ZFHX3: variants seen among roughly 807,000 people sequenced by gnomAD.
The protein encoded by ZFHX3 is zinc finger homeobox protein 3.
In ZFHX3, 42 loss-of-function variants were observed where a neutral mutation model predicts 279.1. The ratio of observed to expected loss-of-function variants is 0.15; its 90% CI spans 0.12 to 0.19. ZFHX3 has a LOEUF of 0.19. Ranked by LOEUF, ZFHX3 falls within the 10% of genes least tolerant of loss-of-function variation. The pLI is 1.00. For synonymous variants in ZFHX3, 2,293 were observed against 1,957.8 expected, an observed-to-expected ratio of 1.17 and a Z score of -4.52; for missense variants, 4,981 against 4,754.0, an observed-to-expected ratio of 1.05 and a Z score of -1.40.
chr16:73,168,211 TTTTCTTTC>T (rs71156144), intron 5 of ZFHX3, among the ~76,000 whole-genome samples: 2,984 of 95,238 alleles, frequency 0.031, 50 homozygotes, highest in Middle Eastern at 0.042. Flanking sequence ...GTTTCTTTTG[TTTTCTTTC>T]TTTCTTTCTT....
intron 2 of ZFHX3, among the ~76,000 whole-genome samples, chr16:73,597,363 TCAGGAGGG>T (rs2143854382): frequency 6.6e-6 from 1 of 152,344 alleles, no homozygotes; most frequent in South Asian, 2.1e-4. Context: ...CTTCTCTCAC[TCAGGAGGG>T]CAAGCTCCTC....
At chr16:73,124,628 C>T (rs907680399) in intron 7 of ZFHX3, among the ~76,000 whole-genome samples, 2 of 152,064 alleles carry the variant, frequency 1.3e-5, no homozygotes, top group African/African-American at 4.8e-5. Flanking sequence ...ACTGTGTCGG[C>T]CAGGGTCACA....
At chr16:73,066,524 C>T (rs979249080) in intron 8 of ZFHX3, among the ~76,000 whole-genome samples, 2 of 152,068 alleles carry the variant, frequency 1.3e-5, no homozygotes, top group South Asian at 2.1e-4. Flanking sequence ...AGTGCAGAGT[C>T]GCCGCACTGG....
chr16:73,484,926 C>T (rs1364240548), intron 2 of ZFHX3, among the ~76,000 whole-genome samples: 1 of 151,816 alleles, frequency 6.6e-6, no homozygotes, highest in African/African-American at 2.4e-5. Flanking sequence ...TGAAAGGATA[C>T]TACCACATAC....
chr16:73,510,556 T>C (rs1293683740), intron 2 of ZFHX3, among the ~76,000 whole-genome samples: 3 of 152,226 alleles, frequency 2.0e-5, no homozygotes, highest in South Asian at 4.1e-4. Context: ...CTTTGAACTA[T>C]TTACTACAAA....
chr16:73,660,622 A>C (rs2052771976), intron 2 of ZFHX3, among the ~76,000 whole-genome samples: 1 of 152,190 alleles, frequency 6.6e-6, no homozygotes, highest in Admixed American at 6.5e-5. Context: ...TATATGGCTC[A>C]TAAGGGATAC....
chr16:73,153,927 A>G (rs1441963640), intron 5 of ZFHX3, among the ~76,000 whole-genome samples: 1 of 151,848 alleles, frequency 6.6e-6, no homozygotes, highest in Non-Finnish European at 1.5e-5. Flanking sequence ...GATGGTCTTC[A>G]TCTCTTGACC....
At chr16:73,277,792 A>G (rs1198460724) in intron 4 of ZFHX3, among the ~76,000 whole-genome samples, 2 of 152,172 alleles carry the variant, frequency 1.3e-5, no homozygotes, top group Non-Finnish European at 2.9e-5. Context: ...ACGGTTCTGC[A>G]GGCTGTACAG....
At position 72,900,169 on chromosome 16, in the gene ZFHX3, C is replaced by T. The variant is rs550261020; in HGVS notation, c.3217-10207G>A. Among the ~76,000 whole-genome samples, 79 of 147,640 alleles carry T rather than the reference C, an allele frequency of 5.4e-4. 1 individual carries two copies. In the South Asian group the frequency reaches 0.017, roughly 32 times the overall value. ...AAAAAAAAAAAACAAGAAGTGTTTA[C>T]TGGGTCTGTTTGCCCATCAGGGCAC... is the stretch of plus-strand genomic sequence containing the variant. On this transcript the variant is annotated intron_variant, in intron 3 of 9. Transcript: ENST00000268489.
intron 4 of ZFHX3, among the ~76,000 whole-genome samples, chr16:72,867,954 A>C (rs1264181460): frequency 1.3e-5 from 2 of 152,204 alleles, no homozygotes; most frequent in Non-Finnish European, 2.9e-5. Context: ...GGGCTCCGAC[A>C]AGATGGCGCC....
chr16:73,182,372 G>A (rs1016327008), intron 5 of ZFHX3, among the ~76,000 whole-genome samples: 7 of 152,118 alleles, frequency 4.6e-5, no homozygotes, highest in African/African-American at 1.7e-4. Context: ...CATGAGAATC[G>A]CTTGAACCTG....
intron 3 of ZFHX3, among the ~76,000 whole-genome samples, chr16:72,928,201 CGAGGGGG>C (rs1959589040): frequency 1.6e-4 from 1 of 6,408 alleles, no homozygotes; most frequent in African/African-American, 9.7e-4. Flanking sequence ...GGGAGGGGAG[CGAGGGGG>C]AGCGAAGGGG....
At chr16:73,883,155 C>A (rs2030229260) in intron 1 of ZFHX3, among the ~76,000 whole-genome samples, 1 of 151,666 alleles carries the variant, frequency 6.6e-6, no homozygotes, top group Non-Finnish European at 1.5e-5. Context: ...TTCAGAATGA[C>A]ATTAAGATGC....
At chr16:73,063,159 G>A (rs1359748666), upstream of ZFHX3, among the ~76,000 whole-genome samples, 1 of 152,206 alleles carries the variant, frequency 6.6e-6, no homozygotes, top group East Asian at 1.9e-4. Flanking sequence ...GGTCAGAGGC[G>A]CCGCCACCGG....
intron 4 of ZFHX3, among the ~76,000 whole-genome samples, chr16:73,298,234 TA>T (rs558271200): frequency 7.5e-4 from 112 of 149,752 alleles, no homozygotes; most frequent in Middle Eastern, 3.4e-3. Context: ...TTTTTTTTTT[TA>T]TATGGAGCTT....
At chr16:73,809,006 T>C (rs1047844401) in intron 1 of ZFHX3, among the ~76,000 whole-genome samples, 2 of 152,198 alleles carry the variant, frequency 1.3e-5, no homozygotes, top group Non-Finnish European at 2.9e-5. Flanking sequence ...GTCATCTGTG[T>C]TGCTTGGCTT....
At chr16:73,563,097 T>C (rs2020395426) in intron 2 of ZFHX3, among the ~76,000 whole-genome samples, 1 of 152,100 alleles carries the variant, frequency 6.6e-6, no homozygotes, top group African/African-American at 2.4e-5. Flanking sequence ...ACCAAGACTT[T>C]GTCAAGGGAG....
chr16:73,513,099 T>C (rs1422868697), intron 2 of ZFHX3, among the ~76,000 whole-genome samples: 1 of 152,216 alleles, frequency 6.6e-6, no homozygotes, highest in African/African-American at 2.4e-5. Context: ...CTGTAATGGC[T>C]GGCAAGGCTC....
At chr16:73,349,058 T>C (rs141128682) in intron 3 of ZFHX3, among the ~76,000 whole-genome samples, 36 of 152,294 alleles carry the variant, frequency 2.4e-4, no homozygotes, top group African/African-American at 7.9e-4. Context: ...GGGCATCAAT[T>C]AATAACAGAT....
Sources: allele counts gnomAD v4.1 joint callset (sites outside exome capture counted in the v4.1 genomes callset), GRCh38; gene constraint gnomAD v4.1.1; transcripts MANE v1.5; gene names NCBI Gene and HGNC (gene_info 2026-07-23, HGNC 2026-07-21).